Variants in TMCC3 observed in about 807,000 individuals in gnomAD.
TMCC3 encodes the protein transmembrane and coiled-coil domain family 3.
Under a neutral mutation model 40.2 loss-of-function variants are expected in TMCC3, and 28 were observed. The observed-to-expected ratio is 0.70, with a 90% CI of 0.52 to 0.95. TMCC3 has a LOEUF of 0.95. TMCC3 is among the 40% of genes least tolerant of loss of function. The pLI is 0.00. For missense variants in TMCC3, 554 were observed against 615.2 expected (o/e 0.90, Z 1.05); for synonymous variants, 255 against 248.5 (o/e 1.03, Z -0.25).
intron 1 of TMCC3, among the ~76,000 whole-genome samples, chr12:94,649,502 G>C (rs2069040663): frequency 6.6e-6 from 1 of 152,204 alleles, no homozygotes; most frequent in African/African-American, 2.4e-5. Flanking sequence ...TGCCAGCGTG[G>C]AGGAGGTGCT....
intron 1 of TMCC3, chr12:94,598,410 G>C: frequency 5.9e-6 from 1 of 170,394 alleles, no homozygotes; most frequent in Non-Finnish European, 1.2e-5. Context: ...ATGTATGATA[G>C]AGAAACAGAA....
intron 1 of TMCC3, among the ~76,000 whole-genome samples, chr12:94,605,122 G>C (rs1220173910): frequency 6.6e-6 from 1 of 152,178 alleles, no homozygotes; most frequent in East Asian, 1.9e-4. Context: ...ACAAGGCTCA[G>C]AAGAACACCG....
At chr12:94,624,170 T>A (rs2068890488) in intron 1 of TMCC3, among the ~76,000 whole-genome samples, 2 of 152,288 alleles carry the variant, frequency 1.3e-5, no homozygotes, top group South Asian at 4.1e-4. Context: ...AGAACCCTCA[T>A]ACACTGGTAG....
Position 94,570,957 on chromosome 12 carries a change from C to T in TMCC3, c.*478G>A, listed in dbSNP as rs1234554917. On this transcript the variant is annotated 3_prime_UTR_variant, in exon 4 of 4. Coordinates refer to ENST00000261226, the MANE Select transcript of TMCC3 (RefSeq NM_020698.4). ...TCCCCTGGAGAGAAGCAGGGTGGAT[C>T]ACACGGGGACCATAGGCCACAGTGT... The T allele has an allele frequency of 1.2e-5, 2 of 166,548 alleles. No homozygotes were observed. The highest frequency in any genetic ancestry group is 2.6e-5 in the Non-Finnish European group (2 of 76,148). 10.3% of individuals were successfully genotyped at this position (166,548 alleles called of 1,614,324 possible). A position where few individuals can be genotyped will look rare whatever the true frequency, so the allele number is the denominator to read the frequency against.
At chr12:94,607,574 C>T (rs1294900079) in intron 1 of TMCC3, among the ~76,000 whole-genome samples, 1 of 152,166 alleles carries the variant, frequency 6.6e-6, no homozygotes, top group African/African-American at 2.4e-5. Context: ...CATTCGGGGT[C>T]CCTGACTTCC....
rs892327320 is a variant in TMCC3, at chr12:94,608,586, C to T, written c.79-26048G>A. On this transcript the variant is annotated intron_variant, in intron 1 of 3. Coordinates refer to ENST00000261226, the MANE Select transcript of TMCC3 (RefSeq NM_020698.4). Reference sequence around the variant, plus strand: ...AGGTTGATCCTCTCAGTGGTCACCACCGTAGACTGGCTACAGGATGAGGTT... The same window carrying T: ...AGGTTGATCCTCTCAGTGGTCACCATCGTAGACTGGCTACAGGATGAGGTT... Among the ~76,000 whole-genome samples, 8 of 152,164 alleles carry T rather than the reference C, an allele frequency of 5.3e-5. No individual in the cohort carries two copies. In the East Asian group the frequency reaches 5.8e-4, roughly 11 times the overall value.
At chr12:94,609,359 C>T (rs1447132400) in intron 1 of TMCC3, among the ~76,000 whole-genome samples, 1 of 152,198 alleles carries the variant, frequency 6.6e-6, no homozygotes, top group Non-Finnish European at 1.5e-5. Flanking sequence ...CCTGGGGCAT[C>T]CTCATCCCCA....
chr12:94,611,783 C>T (rs1360102071), intron 1 of TMCC3, among the ~76,000 whole-genome samples: 2 of 147,840 alleles, frequency 1.4e-5, no homozygotes, highest in Admixed American at 1.3e-4. Context: ...AAAAAAAACA[C>T]TCGGTACCTG....
intron 1 of TMCC3, chr12:94,616,029 A>C: frequency 1.0e-6 from 1 of 985,376 alleles, no homozygotes; most frequent in South Asian, 4.7e-5. Flanking sequence ...TATTCCAAAC[A>C]GCACCTACCA....
At chr12:94,647,730 A>G (rs2069027841) in intron 1 of TMCC3, among the ~76,000 whole-genome samples, 1 of 152,238 alleles carries the variant, frequency 6.6e-6, no homozygotes, top group Admixed American at 6.5e-5. Context: ...ATATCTTTAC[A>G]GCTGCATCCA....
chr12:94,619,455 T>C (rs1275604455), intron 1 of TMCC3, among the ~76,000 whole-genome samples: 1 of 152,224 alleles, frequency 6.6e-6, no homozygotes, highest in Non-Finnish European at 1.5e-5. Context: ...TACATTCTCC[T>C]CTTTCTCATA....
chr12:94,598,591 A>G (rs1039464556), intron 1 of TMCC3: 6 of 985,394 alleles, frequency 6.1e-6, no homozygotes, highest in Non-Finnish European at 7.2e-6. Flanking sequence ...CTTCTGTTTT[A>G]CCCACTACCA....
At chr12:94,611,546 C>T (rs780542363) in intron 1 of TMCC3, among the ~76,000 whole-genome samples, 2 of 152,038 alleles carry the variant, frequency 1.3e-5, no homozygotes, top group Non-Finnish European at 2.9e-5. Context: ...GTATGATAGG[C>T]GTATATATAC....
chr12:94,589,420 C>T (rs2068658528), intron 1 of TMCC3, among the ~76,000 whole-genome samples: 1 of 151,612 alleles, frequency 6.6e-6, no homozygotes, highest in African/African-American at 2.4e-5. Flanking sequence ...ACCGTCTGGA[C>T]GTTCTCTAAA....
chr12:94,625,791 A>T (rs1390319662), intron 1 of TMCC3, among the ~76,000 whole-genome samples: 1 of 152,204 alleles, frequency 6.6e-6, no homozygotes, highest in Non-Finnish European at 1.5e-5. Flanking sequence ...TACTGTACTG[A>T]CACATGGGGA....
At chr12:94,646,984 A>T (rs560344296) in intron 1 of TMCC3, among the ~76,000 whole-genome samples, 1 of 152,268 alleles carries the variant, frequency 6.6e-6, no homozygotes, top group Admixed American at 6.5e-5. Context: ...GAACACTTAA[A>T]ATGAAAACCA....
intron 2 of TMCC3, among the ~76,000 whole-genome samples, chr12:94,580,925 T>G (rs936511222): frequency 9.2e-5 from 14 of 152,214 alleles, no homozygotes; most frequent in Non-Finnish European, 4.4e-5. Context: ...CATCTTAAGA[T>G]GCACGTGAGT....
At position 94,567,144 on chromosome 12, in the gene TMCC3, C is replaced by T. The variant is rs2068499518; in HGVS notation, c.*4291G>A. The T allele has an allele frequency of 6.6e-6, 1 of 152,172 alleles. No individual in the cohort carries two copies. Among genetic ancestry groups the T allele is most frequent in the African/African-American group, 2.4e-5 (1 of 41,444 alleles). 9.4% of individuals were successfully genotyped at this position (152,172 alleles called of 1,614,324 possible). A position where few individuals can be genotyped will look rare whatever the true frequency, so the allele number is the denominator to read the frequency against. The stretch of plus-strand genomic sequence containing the variant: ...ATGTGAAAATTTAAGAAATCTACCT[C>T]TTTATTTAACACCAAAGCTAACATC... On this transcript the variant is annotated 3_prime_UTR_variant, in exon 4 of 4. Coordinates refer to ENST00000261226, the MANE Select transcript of TMCC3 (RefSeq NM_020698.4).
intron 1 of TMCC3, among the ~76,000 whole-genome samples, chr12:94,644,724 C>T (rs941056642): frequency 6.6e-6 from 1 of 152,192 alleles, no homozygotes; most frequent in African/African-American, 2.4e-5. Flanking sequence ...ACCACTTCAC[C>T]GGGTCAGTGT....
Sources: allele counts gnomAD v4.1 joint callset (sites outside exome capture counted in the v4.1 genomes callset), GRCh38; gene constraint gnomAD v4.1.1; transcripts MANE v1.5; gene names NCBI Gene and HGNC (gene_info 2026-07-23, HGNC 2026-07-21).